The following NOL9 variants were observed in gnomAD, a reference collection of about 807,000 sequenced individuals.
The protein encoded by NOL9 is polynucleotide 5'-hydroxyl-kinase NOL9.
NOL9 carries 28 observed loss-of-function variants against 67.9 expected under a neutral mutation model. That is an observed-to-expected ratio of 0.41 (90% CI 0.31 to 0.57). The LOEUF (loss-of-function observed/expected upper bound fraction) is 0.57, where lower values mean the gene tolerates loss of function less well. Among genes scored for constraint, NOL9 ranks in the 20% least tolerant of loss-of-function variants. NOL9 has a pLI of 0.25. For missense variants in NOL9, 777 were observed against 897.0 expected, an observed-to-expected ratio of 0.87 and a Z score of 1.71; for synonymous variants, 356 against 352.2, an observed-to-expected ratio of 1.01 and a Z score of -0.12.
In NOL9 at chr1:6,533,362, A is replaced by T. The variant is rs746550589; in HGVS notation, c.1155T>A (p.Asn385Lys). The change falls in exon 7 of 12, where the codon AAT becomes AAA. Residue 385 changes from asparagine (N) to lysine (K), a missense_variant. Around this residue, in one of 2 missense-constraint regions of NOL9, gnomAD observed 413 missense variants for 552.6 expected, o/e 0.75. Transcript: ENST00000377705. ...ACACATATTTCACTATGTCAATATA[A>T]TTCTCATAGTTGTTTTTACAAGAAG... is the stretch of plus-strand genomic sequence containing the variant. ...GKPSCKNNYE[N>K]YIDIVKYVFS... 2 of 1,613,472 alleles carry T rather than the reference A, an allele frequency of 1.2e-6. No individual in the cohort carries two copies. The highest frequency in any genetic ancestry group is 2.7e-5 in the African/African-American group (2 of 74,908).
chr1:6,552,074 C>T (rs1471965036), intron 1 of NOL9, among the ~76,000 whole-genome samples: 1 of 152,148 alleles, frequency 6.6e-6, no homozygotes, highest in Non-Finnish European at 1.5e-5. Flanking sequence ...TATGTTCTCA[C>T]TTATCAGTGG....
chr1:6,551,590 G>C (rs1639543851), intron 1 of NOL9, among the ~76,000 whole-genome samples: 1 of 151,502 alleles, frequency 6.6e-6, no homozygotes, highest in African/African-American at 2.4e-5. Context: ...CAGTGATACT[G>C]TCCCAAAAAT....
At chr1:6,540,365 AC>A (rs764573071) in intron 6 of NOL9, among the ~76,000 whole-genome samples, 5 of 151,120 alleles carry the variant, frequency 3.3e-5, no homozygotes, top group African/African-American at 4.9e-5. Context: ...CTCGTGATCC[AC>A]CCGCCTTGGT....
chr1:6,538,541 G>A (rs942510809), intron 6 of NOL9, among the ~76,000 whole-genome samples: 4 of 151,684 alleles, frequency 2.6e-5, no homozygotes, highest in African/African-American at 7.3e-5. Context: ...GCATGGTGGC[G>A]GGCATCTATA....
rs1363432483 is a variant in NOL9 at position 6,523,852 on chromosome 1, T to C, written c.*2002A>G. The C allele has an allele frequency of 6.6e-6, 1 of 152,224 alleles. No individual in the cohort carries two copies. Among genetic ancestry groups the C allele is most frequent in the Non-Finnish European group, 1.5e-5 (1 of 68,052 alleles). The allele number at this position is 152,224 out of a possible 1,614,324, so 9.4% of individuals were successfully genotyped here. ...ACTGATAGGGACTGAAGAAAAAGACTTGACCTTCATACAGGCCGCATTTAA... is the reference window on the plus strand; with the variant it reads ...ACTGATAGGGACTGAAGAAAAAGACCTGACCTTCATACAGGCCGCATTTAA... On this transcript the variant is annotated 3_prime_UTR_variant, in exon 12 of 12. Coordinates refer to ENST00000377705, the MANE Select transcript of NOL9 (RefSeq NM_024654.5).
intron 9 of NOL9, among the ~76,000 whole-genome samples, chr1:6,531,729 G>C (rs764297150): frequency 6.6e-6 from 1 of 152,124 alleles, no homozygotes; most frequent in African/African-American, 2.4e-5. Context: ...GCAGTCACTG[G>C]AGCTGAACTG....
chr1:6,530,661 C>T (rs1639004424), intron 9 of NOL9, among the ~76,000 whole-genome samples: 1 of 152,228 alleles, frequency 6.6e-6, no homozygotes, highest in Non-Finnish European at 1.5e-5. Context: ...GAAACATATC[C>T]TTGCTGCCCA....
intron 6 of NOL9, among the ~76,000 whole-genome samples, chr1:6,536,333 G>A (rs141773534): frequency 0.011 from 1,573 of 149,098 alleles, 18 homozygotes; most frequent in Middle Eastern, 0.065. Context: ...GTGACAGAGC[G>A]AGACTCCGTC....
intron 1 of NOL9, among the ~76,000 whole-genome samples, chr1:6,551,332 A>G (rs1481543011): frequency 6.6e-6 from 1 of 151,792 alleles, no homozygotes; most frequent in Non-Finnish European, 1.5e-5. Context: ...GTAATCCCAG[A>G]ACTCTGGGAG....
chr1:6,552,979 T>G (rs1475100545), intron 1 of NOL9, among the ~76,000 whole-genome samples: 1 of 152,110 alleles, frequency 6.6e-6, no homozygotes, highest in Non-Finnish European at 1.5e-5. Context: ...GCCCAGCTAA[T>G]TTTTGTATTT....
chr1:6,554,034 C>A (rs1056620499), intron 1 of NOL9, 73 bp downstream of exon 1: 1 of 1,297,396 alleles, frequency 7.7e-7, no homozygotes, highest in Non-Finnish European at 1.0e-6. Flanking sequence ...CCTCTCCTAC[C>A]CTGCAGCTCT....
At chr1:6,547,279 T>C (rs1490202176) in intron 3 of NOL9, among the ~76,000 whole-genome samples, 1 of 152,188 alleles carries the variant, frequency 6.6e-6, no homozygotes, top group Non-Finnish European at 1.5e-5. Context: ...CCACTTGACA[T>C]GTCCAGCTGA....
At position 6,534,588 on chromosome 1, in the gene NOL9, T is replaced by C. The variant is rs1250533094; in HGVS notation, c.1076-1147A>G. On this transcript the variant is annotated intron_variant, in intron 6 of 11. Coordinates refer to ENST00000377705, the MANE Select transcript of NOL9 (RefSeq NM_024654.5). ...GGCCAGTAAGGGCAGGGATGTGGGG[T>C]AGCCAGCAGCAGAGGGAGTGGCCTG... Among the ~76,000 whole-genome samples the C allele has an allele frequency of 2.6e-5, 4 of 152,242 alleles. No homozygotes were observed. In the East Asian group the frequency reaches 7.7e-4, roughly 29 times the overall value.
chr1:6,550,623 G>A lies in NOL9; in HGVS notation c.397-8C>T. On this transcript the variant is annotated splice_polypyrimidine_tract_variant and splice_region_variant and intron_variant, in intron 1 of 11. Transcript: ENST00000377705. ...CCCACTAAAAGTAAAACCCTAGCAG[G>A]GAGAGAAAACAGAAAAAACATTATA... The A allele has an allele frequency of 2.5e-6, 4 of 1,604,132 alleles. No individual in the cohort carries two copies. The South Asian group carries it at 4.4e-5, about 18-fold the overall frequency.
chr1:6,532,812 C>A (rs1639062671), intron 7 of NOL9, 52 bp from the exon 8 acceptor site: 1 of 1,491,116 alleles, frequency 6.7e-7, no homozygotes, highest in Admixed American at 2.1e-5. Flanking sequence ...CAGTGACGCG[C>A]TCAAGAACAG....
chr1:6,526,044 T>C, intron 11 of NOL9, 41 bp from the exon 12 acceptor site: 2 of 1,595,030 alleles, frequency 1.3e-6, no homozygotes, highest in Non-Finnish European at 1.7e-6. Context: ...ACACTCCAGG[T>C]CCAGCCCAGA....
chr1:6,553,320 A>G (rs1639584140), intron 1 of NOL9, among the ~76,000 whole-genome samples: 1 of 152,028 alleles, frequency 6.6e-6, no homozygotes. Flanking sequence ...AATGGCATCC[A>G]CGTTAAGAAT....
Position 6,533,431 on chromosome 1 carries a change from GA to G in NOL9, c.1085del (p.Phe362SerfsTer4). 1 of 1,590,376 alleles carries G rather than the reference GA, an allele frequency of 6.3e-7. No homozygotes were observed. The highest frequency in any genetic ancestry group is 8.6e-7 in the Non-Finnish European group (1 of 1,166,214). ...TCTTCTGTGGAGTCCTCAGGTGAGTGAAAGGTGGTCCTAAAAAGATAAAGAT... is the reference window on the plus strand; with the variant it reads ...TCTTCTGTGGAGTCCTCAGGTGAGTGAAGGTGGTCCTAAAAAGATAAAGAT... ...NITEPVLGPP[F>X]THLRTPQKMV... On this transcript the variant is annotated frameshift_variant, in exon 7 of 12. Transcript: ENST00000377705. LOFTEE classifies it high-confidence loss of function.
At position 6,545,071 on chromosome 1, in the gene NOL9, A is replaced by C. The variant is rs1392841934; in HGVS notation, c.854T>G (p.Leu285Arg). ...ACAGGAAACATTGACTAACTCTTCC[A>C]GGGCTGAAAGGGTACTCTCAGTTAA... ...LQLTESTLSA[L>R]EELVNVSCEE... is the part of the protein sequence containing the mutation. Residue 285 changes from leucine (L) to arginine (R), a missense_variant, in exon 4 of 12, where the codon CTG (leucine) becomes CGG (arginine). Coordinates refer to ENST00000377705, the MANE Select transcript of NOL9 (RefSeq NM_024654.5). The C allele has an allele frequency of 6.2e-7, 1 of 1,614,074 alleles. No homozygotes were observed. Among genetic ancestry groups the C allele is most frequent in the Non-Finnish European group, 8.5e-7 (1 of 1,180,028 alleles).
Sources: gnomAD v4.1 joint callset for allele counts (sites outside exome capture counted in the v4.1 genomes callset) on GRCh38, gnomAD v4.1.1 for gene constraint, gnomAD v4.1.1 regional missense constraint, MANE v1.5 for transcripts, NCBI Gene and HGNC (gene_info 2026-07-23, HGNC 2026-07-21) for gene names.